The following ANKS1B variants were observed in gnomAD, a reference collection of about 807,000 sequenced individuals.
The protein encoded by ANKS1B is ankyrin repeat and sterile alpha motif domain-containing protein 1B.
ANKS1B carries 36 observed loss-of-function variants against 148.3 expected under a neutral mutation model. The ratio of observed to expected loss-of-function variants is 0.24; its 90% CI spans 0.19 to 0.32. The LOEUF is 0.32. ANKS1B is among the 10% of genes least tolerant of loss of function. The pLI is 1.00. For synonymous variants in ANKS1B, 542 were observed against 560.8 expected, an observed-to-expected ratio of 0.97 and a Z score of 0.47; for missense variants, 1,157 against 1,542.6, an observed-to-expected ratio of 0.75 and a Z score of 4.19.
At chr12:99,864,685 C>T (rs2090498901) in intron 1 of ANKS1B, among the ~76,000 whole-genome samples, 1 of 152,136 alleles carries the variant, frequency 6.6e-6, no homozygotes, top group Admixed American at 6.5e-5. Flanking sequence ...AAGCTCTTAA[C>T]CTGAGAGACA....
At chr12:98,743,492 A>G (rs1038478317), downstream of ANKS1B, among the ~76,000 whole-genome samples, 8 of 152,154 alleles carry the variant, frequency 5.3e-5, no homozygotes, top group Non-Finnish European at 8.8e-5. Flanking sequence ...TTCCCCTTGA[A>G]GAAAATCAGC....
At chr12:99,192,002 G>A (rs1379860823) in intron 14 of ANKS1B, among the ~76,000 whole-genome samples, 2 of 151,676 alleles carry the variant, frequency 1.3e-5, no homozygotes, top group Admixed American at 1.3e-4. Context: ...CGTGGTGGCA[G>A]GCAACTGTAA....
chr12:99,128,629 T>C (rs2065127809), intron 15 of ANKS1B, among the ~76,000 whole-genome samples: 1 of 152,164 alleles, frequency 6.6e-6, no homozygotes. Flanking sequence ...CTCAAATTGG[T>C]TGAAATAAAT....
intron 14 of ANKS1B, among the ~76,000 whole-genome samples, chr12:99,189,554 T>C (rs1428578139): frequency 6.6e-6 from 1 of 152,140 alleles, no homozygotes; most frequent in Non-Finnish European, 1.5e-5. Context: ...TACAAATCAA[T>C]AAACATTATC....
intron 9 of ANKS1B, among the ~76,000 whole-genome samples, chr12:99,643,722 C>T (rs1303530183): frequency 1.3e-5 from 2 of 152,166 alleles, no homozygotes; most frequent in Non-Finnish European, 2.9e-5. Flanking sequence ...TTCATGAAAA[C>T]ACTGTGGGTC....
intron 9 of ANKS1B, among the ~76,000 whole-genome samples, chr12:99,571,361 A>G (rs377425178): frequency 1.3e-5 from 2 of 152,034 alleles, no homozygotes; most frequent in South Asian, 4.1e-4. Flanking sequence ...AGGTATAGAT[A>G]GAGAGATATA....
chr12:99,086,382 A>G (rs2051811000), intron 15 of ANKS1B, among the ~76,000 whole-genome samples: 1 of 152,166 alleles, frequency 6.6e-6, no homozygotes, highest in Non-Finnish European at 1.5e-5. Flanking sequence ...ATATGGAGAG[A>G]GGAGCAAACG....
chr12:99,026,954 C>T (rs976576795), intron 17 of ANKS1B, among the ~76,000 whole-genome samples: 3 of 152,264 alleles, frequency 2.0e-5, no homozygotes, highest in Middle Eastern at 3.4e-3. Context: ...TAAAGAAATG[C>T]GGGGATGAAT....
intron 17 of ANKS1B, among the ~76,000 whole-genome samples, chr12:98,875,739 A>G (rs536844521): frequency 4.3e-4 from 66 of 152,326 alleles, no homozygotes; most frequent in African/African-American, 1.5e-3. Flanking sequence ...AAATGGACCC[A>G]AACCACCAAT....
At chr12:99,426,260 CTTAAT>C (rs1312866746) in intron 11 of ANKS1B, among the ~76,000 whole-genome samples, 1 of 148,666 alleles carries the variant, frequency 6.7e-6, no homozygotes, top group Non-Finnish European at 1.5e-5. Flanking sequence ...TAATGACCCA[CTTAAT>C]TTATTATTTC....
At chr12:99,829,595 A>C (rs1397298040) in intron 1 of ANKS1B, among the ~76,000 whole-genome samples, 1 of 150,872 alleles carries the variant, frequency 6.6e-6, no homozygotes, top group Non-Finnish European at 1.5e-5. Flanking sequence ...AGCTTGCAGT[A>C]AGCCGAGATC....
intron 9 of ANKS1B, among the ~76,000 whole-genome samples, chr12:99,557,102 T>A (rs189517057): frequency 6.5e-4 from 99 of 152,316 alleles, no homozygotes; most frequent in Middle Eastern, 3.4e-3. Context: ...GCCTTTAACA[T>A]TTTTTCTTTT....
chr12:99,385,329 C>T (rs1312940292), intron 12 of ANKS1B, among the ~76,000 whole-genome samples: 2 of 152,024 alleles, frequency 1.3e-5, no homozygotes, highest in East Asian at 1.9e-4. Context: ...ATCAGCTGGG[C>T]GTGCTGGCAC....
At chr12:99,379,395 C>T (rs1286662023) in intron 12 of ANKS1B, among the ~76,000 whole-genome samples, 2 of 152,172 alleles carry the variant, frequency 1.3e-5, no homozygotes, top group African/African-American at 4.8e-5. Context: ...GTGCTTTCAT[C>T]CCCCATTTGT....
intron 15 of ANKS1B, among the ~76,000 whole-genome samples, chr12:99,122,160 A>C (rs546358697): frequency 2.0e-4 from 31 of 152,318 alleles, no homozygotes; most frequent in African/African-American, 6.7e-4. Flanking sequence ...CGATTTTGTG[A>C]AAATGTTAAT....
intron 1 of ANKS1B, among the ~76,000 whole-genome samples, chr12:99,869,412 G>A (rs61940318): frequency 0.14 from 21,731 of 151,882 alleles, 1,950 homozygotes; most frequent in Non-Finnish European, 0.2. Flanking sequence ...GGTGGCTCAC[G>A]CCTGTAATCC....
At chr12:98,963,015 G>A (rs2099874392) in intron 17 of ANKS1B, among the ~76,000 whole-genome samples, 1 of 151,844 alleles carries the variant, frequency 6.6e-6, no homozygotes, top group African/African-American at 2.4e-5. Flanking sequence ...AATAAACAAT[G>A]TAACAATGCA....
intron 17 of ANKS1B, among the ~76,000 whole-genome samples, chr12:98,842,570 G>A (rs1189092626): frequency 6.6e-6 from 1 of 152,208 alleles, no homozygotes; most frequent in African/African-American, 2.4e-5. Flanking sequence ...CGATTTTCAT[G>A]ATGTGTAATT....
chr12:99,655,981 C>G (rs935440411), intron 8 of ANKS1B, among the ~76,000 whole-genome samples: 1 of 152,042 alleles, frequency 6.6e-6, no homozygotes, highest in African/African-American at 2.4e-5. Flanking sequence ...GTAGGTGGGG[C>G]AGAAACAGAC....
Sources: gnomAD v4.1 joint callset for allele counts (sites outside exome capture counted in the v4.1 genomes callset) on GRCh38, gnomAD v4.1.1 for gene constraint, MANE v1.5 for transcripts, NCBI Gene and HGNC (gene_info 2026-07-23, HGNC 2026-07-21) for gene names.